ATP8A2: variants seen among roughly 807,000 people sequenced by gnomAD.
ATP8A2 encodes the protein ATPase phospholipid transporting 8A2.
Under a neutral mutation model 165.6 loss-of-function variants are expected in ATP8A2, and 100 were observed. The observed-to-expected ratio is 0.60, with a 90% confidence interval of 0.51 to 0.71. ATP8A2 has a LOEUF of 0.71. Ranked by LOEUF, ATP8A2 falls within the 30% of genes least tolerant of loss-of-function variation. The pLI, the probability that ATP8A2 is intolerant of heterozygous loss-of-function variation, is 0.00. For missense variants in ATP8A2, 1,227 were observed against 1,479.5 expected (o/e 0.83, Z 2.80); for synonymous variants, 543 against 548.8 (o/e 0.99, Z 0.15).
rs1050329846 is a variant in ATP8A2, at chr13:25,969,240, A to G, written c.3377+561A>G. ...CTTGCTCTCCTAATTCCTCCTGAACATGAGCCTGCCCTTCCCCACAAGGAA... is the reference window on the plus strand; with the variant it reads ...CTTGCTCTCCTAATTCCTCCTGAACGTGAGCCTGCCCTTCCCCACAAGGAA... On this transcript the variant is annotated intron_variant, in intron 35 of 36. Transcript: ENST00000381655. Among the ~76,000 whole-genome samples, 5 of 152,282 alleles carry G rather than the reference A, an allele frequency of 3.3e-5. No homozygotes were observed. The East Asian group carries it at 9.6e-4, about 29-fold the overall frequency.
intron 13 of ATP8A2, 128 bp from the exon 14 acceptor site, chr13:25,558,845 A>T: frequency 8.8e-6 from 5 of 568,598 alleles, no homozygotes; most frequent in African/African-American, 1.9e-5. Context: ...TTTGTTACTA[A>T]TTTGCTTGCT....
At chr13:25,833,783 G>A (rs745710177) in intron 28 of ATP8A2, among the ~76,000 whole-genome samples, 2 of 152,172 alleles carry the variant, frequency 1.3e-5, no homozygotes, top group Non-Finnish European at 2.9e-5. Flanking sequence ...AACTTCTGTA[G>A]CCGCAATTGG....
intron 25 of ATP8A2, among the ~76,000 whole-genome samples, chr13:25,768,266 C>A (rs938750214): frequency 6.6e-6 from 1 of 152,002 alleles, no homozygotes; most frequent in Non-Finnish European, 1.5e-5. Context: ...TCATGAATAC[C>A]CCTCTGCTTT....
intron 33 of ATP8A2, among the ~76,000 whole-genome samples, chr13:25,875,755 G>A (rs1200636177): frequency 3.3e-5 from 5 of 152,166 alleles, no homozygotes; most frequent in Non-Finnish European, 7.3e-5. Flanking sequence ...TGATATTGGC[G>A]TTTGGAAACA....
chr13:25,773,025 G>T (rs2044659959), intron 26 of ATP8A2, among the ~76,000 whole-genome samples: 1 of 152,196 alleles, frequency 6.6e-6, no homozygotes, highest in Non-Finnish European at 1.5e-5. Context: ...CTCCCAAAGT[G>T]CTGGGATTAC....
At chr13:25,507,154 A>G (rs1481690032) in intron 2 of ATP8A2, among the ~76,000 whole-genome samples, 3 of 151,852 alleles carry the variant, frequency 2.0e-5, no homozygotes, top group African/African-American at 7.3e-5. Flanking sequence ...AACTAAATAC[A>G]TGCCAATATA....
At chr13:25,534,434 C>G (rs1241042730) in intron 6 of ATP8A2, among the ~76,000 whole-genome samples, 1 of 152,188 alleles carries the variant, frequency 6.6e-6, no homozygotes, top group African/African-American at 2.4e-5. Flanking sequence ...CTTCTTGTTA[C>G]TCCCTCCCCA....
At position 25,816,521 on chromosome 13, in the gene ATP8A2, A is replaced by G. The variant is rs1951023520; in HGVS notation, c.2680-11597A>G. ...TTGGAAAAGTTGTGCTCACTCCTCCAGACGTAACCTGTTTCTTCCTCTCCT... is the reference window on the plus strand; with the variant it reads ...TTGGAAAAGTTGTGCTCACTCCTCCGGACGTAACCTGTTTCTTCCTCTCCT... On this transcript the variant is annotated intron_variant, in intron 27 of 36. Transcript: ENST00000381655. 2.0e-5 allele frequency among the ~76,000 whole-genome samples: 3 copies of G among 152,158 alleles called. No homozygotes were observed. In the South Asian group the frequency reaches 6.2e-4, roughly 31 times the overall value.
At chr13:25,530,978 A>C (rs1409624729) in intron 4 of ATP8A2, among the ~76,000 whole-genome samples, 1 of 151,958 alleles carries the variant, frequency 6.6e-6, no homozygotes, top group Non-Finnish European at 1.5e-5. Context: ...TGTGTTGTCT[A>C]GGATGGCAGC....
intron 33 of ATP8A2, among the ~76,000 whole-genome samples, chr13:25,948,952 C>G (rs1387412426): frequency 6.6e-6 from 1 of 152,232 alleles, no homozygotes; most frequent in Non-Finnish European, 1.5e-5. Context: ...GAAGCTTTAG[C>G]TCCTTGGCCT....
At chr13:25,792,272 A>G (rs2045198958) in intron 27 of ATP8A2, among the ~76,000 whole-genome samples, 1 of 152,242 alleles carries the variant, frequency 6.6e-6, no homozygotes. Flanking sequence ...CCAGATGCAA[A>G]CAATAAAATA....
chr13:25,825,130 T>C (rs201568097), intron 27 of ATP8A2, among the ~76,000 whole-genome samples: 1 of 149,692 alleles, frequency 6.7e-6, no homozygotes, highest in Non-Finnish European at 1.5e-5. Context: ...CATAGTTTCA[T>C]TGTGTATGTG....
intron 33 of ATP8A2, among the ~76,000 whole-genome samples, chr13:25,919,306 G>A (rs1954369058): frequency 6.6e-6 from 1 of 152,188 alleles, no homozygotes; most frequent in African/African-American, 2.4e-5. Context: ...GGCAGATGAT[G>A]TCAGCCAGGG....
chr13:25,569,727 G>C (rs765354914), intron 16 of ATP8A2, among the ~76,000 whole-genome samples: 3 of 152,170 alleles, frequency 2.0e-5, no homozygotes, highest in Non-Finnish European at 4.4e-5. Context: ...CAGAGAACTA[G>C]TAGGAGCTCA....
At chr13:25,852,819 A>G (rs1428629773) in intron 30 of ATP8A2, among the ~76,000 whole-genome samples, 1 of 151,816 alleles carries the variant, frequency 6.6e-6, no homozygotes, top group Admixed American at 6.6e-5. Flanking sequence ...CAGGAGGATC[A>G]CTTGTACCTG....
intron 23 of ATP8A2, among the ~76,000 whole-genome samples, chr13:25,583,581 C>T (rs1192875129): frequency 6.6e-6 from 1 of 152,090 alleles, no homozygotes; most frequent in African/African-American, 2.4e-5. Flanking sequence ...CCACACCGCC[C>T]GGCCCCTGGG....
chr13:25,421,161 G>T (rs947918392), intron 1 of ATP8A2, among the ~76,000 whole-genome samples: 4 of 152,128 alleles, frequency 2.6e-5, no homozygotes, highest in African/African-American at 9.7e-5. Context: ...AAATCATTTC[G>T]CATAGAGTAT....
intron 27 of ATP8A2, among the ~76,000 whole-genome samples, chr13:25,792,013 A>G (rs535497628): frequency 3.5e-4 from 54 of 152,316 alleles, no homozygotes; most frequent in African/African-American, 1.3e-3. Flanking sequence ...GATGTACCAG[A>G]ACCTAAATTG....
At chr13:25,599,267 A>C (rs1436551209) in intron 24 of ATP8A2, among the ~76,000 whole-genome samples, 1 of 152,172 alleles carries the variant, frequency 6.6e-6, no homozygotes, top group East Asian at 1.9e-4. Flanking sequence ...GCCACCCAGC[A>C]TTCTCTAACA....
Sources: gnomAD v4.1 joint callset for allele counts (sites outside exome capture counted in the v4.1 genomes callset) on GRCh38, gnomAD v4.1.1 for gene constraint, MANE v1.5 for transcripts, NCBI Gene and HGNC (gene_info 2026-07-23, HGNC 2026-07-21) for gene names.